SPAST: variants seen among roughly 807,000 people sequenced by gnomAD.
SPAST encodes the protein spastic paraplegia 4 (autosomal dominant; spastin).
A neutral mutation model predicts 76.6 loss-of-function variants in SPAST; 30 were observed. That is an observed-to-expected ratio of 0.39 (90% CI 0.29 to 0.53). SPAST has a LOEUF of 0.53. SPAST is among the 20% of genes least tolerant of loss of function. The probability of loss-of-function intolerance (pLI) is 0.68; values close to 1 mark genes in which losing one functional copy is unlikely to be tolerated. For synonymous variants in SPAST, 305 were observed against 281.0 expected, an observed-to-expected ratio of 1.09 and a Z score of -0.86; for missense variants, 717 against 770.5, an observed-to-expected ratio of 0.93 and a Z score of 0.82.
intron 1 of SPAST, among the ~76,000 whole-genome samples, chr2:32,066,946 A>C (rs918070982): frequency 1.5e-5 from 2 of 130,788 alleles, no homozygotes; most frequent in African/African-American, 5.9e-5. Flanking sequence ...TGCACTCCGA[A>C]CTGGGTGACA....
chr2:32,110,092 A>G (rs1678486282), intron 4 of SPAST, among the ~76,000 whole-genome samples: 1 of 143,674 alleles, frequency 7.0e-6, no homozygotes, highest in Admixed American at 7.2e-5. Flanking sequence ...GTATACATAT[A>G]TAGTTTTTTT....
At chr2:32,094,660 G>GAGCAGTTACAAAGATTTTTA (rs1440671825) in intron 3 of SPAST, among the ~76,000 whole-genome samples, 1 of 152,166 alleles carries the variant, frequency 6.6e-6, no homozygotes. Context: ...GTGAAATGGG[G>GAGCAGTTACAAAGATTTTTA]AGCAGTTACA....
intron 1 of SPAST, 21 bp from the exon 2 acceptor site, chr2:32,087,471 A>G (rs1553399462): frequency 2.7e-6 from 4 of 1,473,018 alleles, no homozygotes; most frequent in Non-Finnish European, 2.8e-6. Context: ...CGATCTATAC[A>G]AATAATTTTT....
intron 16 of SPAST, among the ~76,000 whole-genome samples, chr2:32,151,416 A>C (rs1680081410): frequency 6.6e-6 from 1 of 152,244 alleles, no homozygotes; most frequent in African/African-American, 2.4e-5. Context: ...ACTTTAAAAA[A>C]TATAAAACTG....
intron 1 of SPAST, among the ~76,000 whole-genome samples, chr2:32,065,253 C>T (rs941751920): frequency 1.3e-5 from 2 of 152,020 alleles, no homozygotes; most frequent in Admixed American, 6.6e-5. Flanking sequence ...CTCCTGACCT[C>T]GTGATCGGGT....
chr2:32,066,990 A>AC (rs1461335727), intron 1 of SPAST, among the ~76,000 whole-genome samples: 6 of 58,562 alleles, frequency 1.0e-4, no homozygotes, highest in African/African-American at 2.8e-4. Context: ...AAAAAAAAAA[A>AC]AACCAAAAAA....
At chr2:32,092,831 A>G (rs1677774941) in intron 3 of SPAST, among the ~76,000 whole-genome samples, 1 of 151,884 alleles carries the variant, frequency 6.6e-6, no homozygotes, top group African/African-American at 2.4e-5. Flanking sequence ...ACATGGTGAA[A>G]CCTAATCTCT....
intron 4 of SPAST, among the ~76,000 whole-genome samples, chr2:32,112,419 C>T (rs1435138799): frequency 6.9e-6 from 1 of 144,668 alleles, no homozygotes; most frequent in Non-Finnish European, 1.5e-5. Flanking sequence ...GTGATCTTGG[C>T]TCACCGCAAT....
At chr2:32,079,434 C>CT (rs1189736924) in intron 1 of SPAST, among the ~76,000 whole-genome samples, 1 of 151,652 alleles carries the variant, frequency 6.6e-6, no homozygotes, top group East Asian at 2.0e-4. Context: ...TCGCTTAAGC[C>CT]TAGGAGGCGG....
intron 4 of SPAST, among the ~76,000 whole-genome samples, chr2:32,109,913 T>C (rs187388533): frequency 6.7e-6 from 1 of 148,610 alleles, no homozygotes; most frequent in Non-Finnish European, 1.5e-5. Context: ...TACACATATA[T>C]AGTTACATAT....
At chr2:32,143,554 C>T in intron 14 of SPAST, 139 bp downstream of exon 14, 1 of 648,550 alleles carries the variant, frequency 1.5e-6, no homozygotes, top group Non-Finnish European at 2.8e-6. Context: ...CCTCTACCTC[C>T]TTTGCCTTTT....
chr2:32,135,623 G>T (rs1455547253), intron 9 of SPAST, among the ~76,000 whole-genome samples: 1 of 151,964 alleles, frequency 6.6e-6, no homozygotes, highest in Non-Finnish European at 1.5e-5. Context: ...TGTCTCAAGG[G>T]GTGTTCATTG....
intron 16 of SPAST, among the ~76,000 whole-genome samples, chr2:32,154,125 C>G (rs1177865289): frequency 6.6e-6 from 1 of 152,036 alleles, no homozygotes; most frequent in Non-Finnish European, 1.5e-5. Flanking sequence ...ATTATGCTTT[C>G]AAATGTTAAT....
chr2:32,093,241 G>A, intron 3 of SPAST, among the ~76,000 whole-genome samples: 1 of 149,210 alleles, frequency 6.7e-6, no homozygotes, highest in African/African-American at 2.5e-5. Flanking sequence ...AACCCGGGAG[G>A]CGGAGCTTGC....
rs573069278 is a variant in SPAST at position 32,114,534 on chromosome 2, T to C, written c.683-104T>C. 2.2e-5 allele frequency: 19 copies of C among 873,218 alleles called. No individual in the cohort carries two copies. In the African/African-American group the frequency reaches 3.1e-4, roughly 14 times the overall value. The allele number at this position is 873,218 out of a possible 1,614,324, so 54.1% of individuals were successfully genotyped here. ...TTGAAATCTTATTTTGAAATATTTT[T>C]GAATTAAAAAAATATATTATTACCT... is the stretch of plus-strand genomic sequence containing the variant. On this transcript the variant is annotated intron_variant, in intron 4 of 16. Coordinates refer to ENST00000315285, the MANE Select transcript of SPAST (RefSeq NM_014946.4).
At chr2:32,112,621 C>T (rs1246309072) in intron 4 of SPAST, among the ~76,000 whole-genome samples, 2 of 152,048 alleles carry the variant, frequency 1.3e-5, no homozygotes, top group East Asian at 3.9e-4. Flanking sequence ...TCTGGGATTA[C>T]AGGCGTAAGC....
chr2:32,146,126 C>G (rs1343471488), intron 15 of SPAST, among the ~76,000 whole-genome samples: 2 of 152,164 alleles, frequency 1.3e-5, no homozygotes, highest in Non-Finnish European at 2.9e-5. Flanking sequence ...AATTTTCTTG[C>G]TGCTGGAGCT....
intron 4 of SPAST, among the ~76,000 whole-genome samples, chr2:32,100,302 A>G (rs1369568326): frequency 2.7e-4 from 39 of 147,036 alleles, no homozygotes; most frequent in Admixed American, 2.7e-4. Flanking sequence ...TTGACGGTCC[A>G]GCTAGTTTTA....
intron 7 of SPAST, chr2:32,126,674 G>T: frequency 7.9e-6 from 2 of 253,932 alleles, no homozygotes; most frequent in Admixed American, 5.1e-5. Flanking sequence ...TTTTGTAGAA[G>T]CAGAGTTCCC....
Sources: gnomAD v4.1 joint callset for allele counts (sites outside exome capture counted in the v4.1 genomes callset) on GRCh38, gnomAD v4.1.1 for gene constraint, MANE v1.5 for transcripts, NCBI Gene and HGNC (gene_info 2026-07-23, HGNC 2026-07-21) for gene names.